Variants in MCM4 observed in about 807,000 individuals in gnomAD.
The protein encoded by MCM4 is minichromosome maintenance complex component 4.
In MCM4, 60 loss-of-function variants were observed where a neutral mutation model predicts 88.7. The ratio of observed to expected loss-of-function variants is 0.68; its 90% CI spans 0.55 to 0.84. The LOEUF (loss-of-function observed/expected upper bound fraction) is 0.84, where lower values mean the gene tolerates loss of function less well. Ranked by LOEUF, MCM4 falls within the 40% of genes least tolerant of loss-of-function variation. The probability of loss-of-function intolerance (pLI) is 0.00; values close to 1 mark genes in which losing one functional copy is unlikely to be tolerated. For synonymous variants in MCM4, 465 were observed against 410.5 expected, an observed-to-expected ratio of 1.13 and a Z score of -1.61; for missense variants, 1,149 against 1,105.5, an observed-to-expected ratio of 1.04 and a Z score of -0.56.
At chr8:47,968,082 C>G (rs984372276) in intron 10 of MCM4, among the ~76,000 whole-genome samples, 4 of 152,172 alleles carry the variant, frequency 2.6e-5, no homozygotes, top group Admixed American at 6.5e-5. Context: ...CAAGAGTGCT[C>G]TTTGCACAGC....
intron 15 of MCM4, 193 bp downstream of exon 15, chr8:47,975,155 A>G (rs767199641): frequency 1.9e-6 from 1 of 516,930 alleles, no homozygotes; most frequent in Non-Finnish European, 3.4e-6. Context: ...TGATTAACAC[A>G]CACAGTTTTG....
In MCM4 at chr8:47,969,869, A is replaced by G. The variant is rs772676302; in HGVS notation, c.1246A>G (p.Ile416Val). The change falls in exon 11 of 17, where the codon ATT becomes GTT. Residue 416 changes from isoleucine (I) to valine (V), a missense_variant. Physicochemically the swap from Ile to Val is conservative, Grantham distance 29. Coordinates refer to ENST00000649973, the MANE Select transcript of MCM4 (RefSeq NM_182746.3). ...TGTGAAGTCTGTCTACAAAACCCAC[A>G]TTGATGTCATTCATTATCGGAAAAC... ...SNVKSVYKTH[I>V]DVIHYRKTDA... is the part of the protein sequence containing the mutation. 6.2e-7 allele frequency: 1 copy of G among 1,614,258 alleles called. No homozygotes were observed. Among genetic ancestry groups the G allele is most frequent in the South Asian group, 1.1e-5 (1 of 91,088 alleles).
rs1239691235 is a variant in MCM4 at position 47,968,545 on chromosome 8, C to T, written c.1174+1060C>T. 2.6e-5 allele frequency among the ~76,000 whole-genome samples: 4 copies of T among 152,104 alleles called. No individual in the cohort carries two copies. In the South Asian group the frequency reaches 6.2e-4, roughly 24 times the overall value. Reference sequence around the variant, plus strand: ...TGGGGCCAAGGGGCTGTGGAAAGTGCTGTGTAGATGTGAAATAAGTATCAA... The same window carrying T: ...TGGGGCCAAGGGGCTGTGGAAAGTGTTGTGTAGATGTGAAATAAGTATCAA... On this transcript the variant is annotated intron_variant, in intron 10 of 16. Coordinates refer to ENST00000649973, the MANE Select transcript of MCM4 (RefSeq NM_182746.3).
At position 47,967,386 on chromosome 8, in the gene MCM4, G is replaced by C. The variant is rs1168723081; in HGVS notation, c.1075G>C (p.Glu359Gln). The C allele has an allele frequency of 6.2e-6, 10 of 1,614,192 alleles. No homozygotes were observed. Among genetic ancestry groups the C allele is most frequent in the South Asian group, 2.2e-5 (2 of 91,076 alleles). Residue 359 changes from glutamate (E) to glutamine (Q), a missense_variant, in exon 10 of 17, where the codon GAA becomes CAA. Transcript: ENST00000649973. ...TCAGATCAAGCTTCAGGAGTCTCCG[G>C]AAGACATGCCTGCAGGGCAGACACC... is the stretch of plus-strand genomic sequence containing the variant. ...KQMIKLQESPEDMPAGQTPHT... is the reference protein window; with the variant it reads ...KQMIKLQESPQDMPAGQTPHT...
chr8:47,976,645 C>G, intron 16 of MCM4, 41 bp from the exon 17 acceptor site: 2 of 1,393,694 alleles, frequency 1.4e-6, no homozygotes, highest in East Asian at 2.3e-5. Flanking sequence ...AAAGGAGGGA[C>G]TTGACGTGTA....
At chr8:47,966,549 G>A in intron 9 of MCM4, 142 bp downstream of exon 9, 1 of 800,434 alleles carries the variant, frequency 1.2e-6, no homozygotes, top group Non-Finnish European at 1.9e-6. Context: ...TTCGTTAGTG[G>A]CCTATGGGCT....
chr8:47,962,110 G>A lies in MCM4; in HGVS notation c.293G>A (p.Arg98Gln), dbSNP rs966403056. 6.2e-6 allele frequency: 10 copies of A among 1,614,128 alleles called. No homozygotes were observed. The highest frequency in any genetic ancestry group is 7.6e-6 in the Non-Finnish European group (9 of 1,180,020). The change falls in exon 4 of 17, where the codon CGG (arginine) becomes CAG (glutamine). Residue 98 changes from arginine to glutamine, a missense_variant. Coordinates refer to ENST00000649973, the MANE Select transcript of MCM4 (RefSeq NM_182746.3). ...SPLTYGTPSS[R>Q]VEGTPRSGVR... ...CTGACATACGGCACTCCCAGCTCTC[G>A]GGTAGAGGGAACCCCAAGAAGTGGT...
intron 10 of MCM4, chr8:47,969,585 T>A: frequency 1.7e-6 from 1 of 577,698 alleles, no homozygotes; most frequent in Non-Finnish European, 3.1e-6. Context: ...TGCTGCTATT[T>A]CCCTGCTTGC....
intron 11 of MCM4, 87 bp downstream of exon 11, chr8:47,970,144 C>A: frequency 6.8e-7 from 1 of 1,462,374 alleles, no homozygotes; most frequent in Non-Finnish European, 9.3e-7. Flanking sequence ...CTCGAGCCAT[C>A]CGCCATAAAG....
Position 47,971,455 on chromosome 8 carries a change from A to T in MCM4, c.1915A>T (p.Thr639Ser). The T allele has an allele frequency of 1.2e-6, 2 of 1,614,068 alleles. No homozygotes were observed. Among genetic ancestry groups the T allele is most frequent in the Non-Finnish European group, 1.7e-6 (2 of 1,179,972 alleles). Reference sequence around the variant, plus strand: ...CATTGAAAACATCCAGCTGCCTCATACTTTATTATCAAGGTATTAAAACAG... The same window carrying T: ...CATTGAAAACATCCAGCTGCCTCATTCTTTATTATCAAGGTATTAAAACAG... ...TTIENIQLPH[T>S]LLSRFDLIFL... is the part of the protein sequence containing the mutation. The change falls in exon 13 of 17, where the codon ACT (threonine) becomes TCT (serine). Residue 639 changes from threonine (T) to serine (S), a missense_variant. Around this residue, in one of 3 missense-constraint regions of MCM4, gnomAD observed 906 missense variants for 843.0 expected, o/e 1.07. Coordinates refer to ENST00000649973, the MANE Select transcript of MCM4 (RefSeq NM_182746.3).
rs965067564 is a variant in MCM4 at position 47,976,953 on chromosome 8, T to C, written c.*175T>C. 3.9e-6 allele frequency: 2 copies of C among 506,550 alleles called. No individual in the cohort carries two copies. Among genetic ancestry groups the C allele is most frequent in the Admixed American group, 3.3e-5 (1 of 30,098 alleles). The allele number at this position is 506,550 out of a possible 1,614,324, so 31.4% of individuals were successfully genotyped here. A position where few individuals can be genotyped will look rare whatever the true frequency, so the allele number is the denominator to read the frequency against. On this transcript the variant is annotated 3_prime_UTR_variant, in exon 17 of 17. Coordinates refer to ENST00000649973, the MANE Select transcript of MCM4 (RefSeq NM_182746.3). ...TTGTAGTGAAGTATCTGTTTTCATT[T>C]TTTTCACGTTATAAATAAAAATACT...
chr8:47,961,713 T>C, intron 3 of MCM4, 33 bp downstream of exon 3: 1 of 1,580,430 alleles, frequency 6.3e-7, no homozygotes, highest in Non-Finnish European at 8.6e-7. Flanking sequence ...TTTGCTGTGC[T>C]TGATACACAG....
In MCM4 at chr8:47,966,430, C is replaced by G; in HGVS notation, c.1053+23C>G. 8 of 1,583,094 alleles carry G rather than the reference C, an allele frequency of 5.1e-6. No homozygotes were observed. The South Asian group carries it at 7.9e-5, about 16-fold the overall frequency. The stretch of plus-strand genomic sequence containing the variant: ...ATGGTGCGCAGCCACCCTGGCCCCC[C>G]AGGCTATGCTTTGCCTGTCTGTATC... On this transcript the variant is annotated intron_variant, in intron 9 of 16. Coordinates refer to ENST00000649973, the MANE Select transcript of MCM4 (RefSeq NM_182746.3).
Position 47,964,672 on chromosome 8 carries a change from C to T in MCM4, c.792C>T (p.Asn264=), listed in dbSNP as rs368142326. 5.0e-6 allele frequency: 8 copies of T among 1,598,966 alleles called. No homozygotes were observed. Among genetic ancestry groups the T allele is most frequent in the Admixed American group, 1.8e-5 (1 of 55,984 alleles). ...ATCAGATTCAAGTAAGACCATTCAACGCATTGAAGACTAAGAATATGAGAA... is the reference window on the plus strand; with the variant it reads ...ATCAGATTCAAGTAAGACCATTCAATGCATTGAAGACTAAGAATATGAGAA... ...LEHQIQVRPF[N]ALKTKNMRNL... is the part of the protein sequence containing the mutation. Residue 264 remains asparagine, a synonymous_variant, in exon 8 of 17, where the codon AAC becomes AAT. Transcript: ENST00000649973.
rs928173442 is a variant in MCM4 at position 47,962,162 on chromosome 8, G to A, written c.345G>A (p.Arg115=). The change falls in exon 4 of 17, where the codon AGG becomes AGA. Residue 115 remains arginine (R), a synonymous_variant. Transcript: ENST00000649973. The part of the protein sequence containing the change: ...SGVRGTPVRQ[R]PDLGSAQKGL... Reference sequence around the variant, plus strand: ...TTAGGGGCACACCTGTGAGACAGAGGCCTGACCTGGGCTCTGCACAGAAGG... The same window carrying A: ...TTAGGGGCACACCTGTGAGACAGAGACCTGACCTGGGCTCTGCACAGAAGG... 57 of 1,614,066 alleles carry A rather than the reference G, an allele frequency of 3.5e-5. No homozygotes were observed. The highest frequency in any genetic ancestry group is 4.7e-5 in the Non-Finnish European group (55 of 1,180,048).
chr8:47,969,739 T>G (rs1236764162), intron 10 of MCM4, 59 bp from the exon 11 acceptor site: 2 of 1,591,710 alleles, frequency 1.3e-6, no homozygotes, highest in Non-Finnish European at 1.7e-6. Context: ...CGCTGGTTGC[T>G]GAGCCACTCG....
rs768727884 is a variant in MCM4, at chr8:47,966,266, C to T, written c.912C>T (p.Phe304=). 1.2e-6 allele frequency: 2 copies of T among 1,614,018 alleles called. No homozygotes were observed. Among genetic ancestry groups the T allele is most frequent in the Non-Finnish European group, 1.7e-6 (2 of 1,180,044 alleles). The stretch of plus-strand genomic sequence containing the variant: ...TTCCCGAGATGCAGGAGGCCTTCTT[C>T]CAGTGCCAAGTGTGTGCCCACACGA... ...QLIPEMQEAF[F]QCQVCAHTTR... is the part of the protein sequence containing the mutation. Residue 304 remains phenylalanine, a synonymous_variant, in exon 9 of 17, where the codon TTC becomes TTT. Transcript: ENST00000649973.
At chr8:47,967,511 C>T (rs754909764) in intron 10 of MCM4, 26 bp downstream of exon 10, 1 of 1,613,776 alleles carries the variant, frequency 6.2e-7, no homozygotes, top group Non-Finnish European at 8.5e-7. Flanking sequence ...TGCACCAGCA[C>T]TTGAGCATGT....
chr8:47,970,353 C>T (rs1440113439), intron 11 of MCM4, among the ~76,000 whole-genome samples, 158 bp from the exon 12 acceptor site: 1 of 152,230 alleles, frequency 6.6e-6, no homozygotes, highest in Non-Finnish European at 1.5e-5. Flanking sequence ...TCAGTGATAA[C>T]TTAAAGCATA....
Sources: allele counts gnomAD v4.1 joint callset (sites outside exome capture counted in the v4.1 genomes callset), GRCh38; gene constraint gnomAD v4.1.1; regional missense constraint gnomAD v4.1.1; transcripts MANE v1.5; gene names NCBI Gene and HGNC (gene_info 2026-07-23, HGNC 2026-07-21).